PPFIBP1: variants seen among roughly 807,000 people sequenced by gnomAD.
The protein encoded by PPFIBP1 is PPFIB scaffold protein 1.
Under a neutral mutation model 137.8 loss-of-function variants are expected in PPFIBP1, and 112 were observed. That is an observed-to-expected ratio of 0.81 (90% CI 0.70 to 0.95). The LOEUF is 0.95. PPFIBP1 is among the 40% of genes least tolerant of loss of function. The pLI, the probability that PPFIBP1 is intolerant of heterozygous loss-of-function variation, is 0.00. For missense variants in PPFIBP1, 1,083 were observed against 1,196.6 expected, an observed-to-expected ratio of 0.91 and a Z score of 1.40; for synonymous variants, 378 against 417.3, an observed-to-expected ratio of 0.91 and a Z score of 1.15.
At chr12:27,582,212 G>A (rs527418123) in intron 2 of PPFIBP1, among the ~76,000 whole-genome samples, 7 of 152,106 alleles carry the variant, frequency 4.6e-5, no homozygotes, top group African/African-American at 1.2e-4. Flanking sequence ...AATAAGTGGC[G>A]TGTGTATGTG....
At chr12:27,641,397 A>C (rs2058095455) in intron 4 of PPFIBP1, among the ~76,000 whole-genome samples, 1 of 152,210 alleles carries the variant, frequency 6.6e-6, no homozygotes, top group Non-Finnish European at 1.5e-5. Flanking sequence ...AATAGAACCC[A>C]GAAAATCAAA....
intron 21 of PPFIBP1, 142 bp from the exon 22 acceptor site, chr12:27,681,404 A>G: frequency 1.2e-6 from 1 of 847,858 alleles, no homozygotes; most frequent in Non-Finnish European, 1.8e-6. Context: ...TCCAATGTAT[A>G]CTAAAAATTA....
intron 2 of PPFIBP1, among the ~76,000 whole-genome samples, chr12:27,581,279 C>A (rs1274901837): frequency 6.6e-6 from 1 of 152,190 alleles, no homozygotes; most frequent in African/African-American, 2.4e-5. Flanking sequence ...CCTAGTCTCT[C>A]CTCTGTGCCA....
chr12:27,676,538 CT>C lies in PPFIBP1; in HGVS notation c.1524del (p.Phe508LeufsTer20). Reference protein sequence around the residue: ...PFGTRKVRSSFGRGFFKIKSN... With the variant: ...PFGTRKVRSSXGRGFFKIKSN... ...TCGGCACTCGAAAAGTCAGATCTTC[CT>C]TTGGCCGGGGCTTTTTTAAAATCAA... On this transcript the variant is annotated frameshift_variant, in exon 18 of 30. Transcript: ENST00000228425. LOFTEE classifies it high-confidence loss of function. 2 of 1,609,250 alleles carry C rather than the reference CT, an allele frequency of 1.2e-6. No individual in the cohort carries two copies. Among genetic ancestry groups the C allele is most frequent in the Non-Finnish European group, 1.7e-6 (2 of 1,177,104 alleles).
chr12:27,576,732 A>G (rs936091485), intron 1 of PPFIBP1, among the ~76,000 whole-genome samples: 4 of 152,146 alleles, frequency 2.6e-5, no homozygotes, highest in Admixed American at 2.6e-4. Context: ...TAATCTAATT[A>G]TTCTTTGGTA....
intron 2 of PPFIBP1, among the ~76,000 whole-genome samples, chr12:27,614,105 TG>T (rs2055475470): frequency 6.6e-6 from 1 of 151,966 alleles, no homozygotes; most frequent in Admixed American, 6.6e-5. Flanking sequence ...TGGCCAAGCA[TG>T]GTGGCTCATG....
At chr12:27,581,328 T>C (rs2051093305) in intron 2 of PPFIBP1, among the ~76,000 whole-genome samples, 1 of 152,218 alleles carries the variant, frequency 6.6e-6, no homozygotes, top group South Asian at 2.1e-4. Context: ...GTGAATGCTG[T>C]CTGGTTGTAC....
Position 27,647,844 on chromosome 12 carries a change from T to C in PPFIBP1, c.471+2T>C. ...GCCACAGAAGAAATGCTGCAGCAGGTATGTGCAGAGGCCAGAACCAAGATG... is the reference window on the plus strand; with the variant it reads ...GCCACAGAAGAAATGCTGCAGCAGGCATGTGCAGAGGCCAGAACCAAGATG... On this transcript the variant is annotated splice_donor_variant, in intron 6 of 29. Coordinates refer to ENST00000228425, the MANE Select transcript of PPFIBP1 (RefSeq NM_003622.4). LOFTEE classifies it high-confidence loss of function. 1 of 1,611,248 alleles carries C rather than the reference T, an allele frequency of 6.2e-7. No individual in the cohort carries two copies. Among genetic ancestry groups the C allele is most frequent in the Non-Finnish European group, 8.5e-7 (1 of 1,178,862 alleles).
intron 11 of PPFIBP1, 66 bp downstream of exon 11, chr12:27,661,011 AT>A: frequency 6.3e-7 from 1 of 1,588,058 alleles, no homozygotes; most frequent in Non-Finnish European, 8.6e-7. Flanking sequence ...ATTCCATGCA[AT>A]TTCATGAGCT....
At chr12:27,570,440 A>G (rs560463405) in intron 1 of PPFIBP1, among the ~76,000 whole-genome samples, 1 of 152,264 alleles carries the variant, frequency 6.6e-6, no homozygotes, top group South Asian at 2.1e-4. Flanking sequence ...TTCAAATTCT[A>G]CCCTCTAAGT....
intron 4 of PPFIBP1, among the ~76,000 whole-genome samples, chr12:27,642,547 A>C (rs1394765446): frequency 6.6e-6 from 1 of 152,222 alleles, no homozygotes; most frequent in Non-Finnish European, 1.5e-5. Context: ...TAAAATTATT[A>C]GTCATCTACC....
chr12:27,626,256 G>A (rs544312254), intron 2 of PPFIBP1, among the ~76,000 whole-genome samples: 3 of 152,154 alleles, frequency 2.0e-5, no homozygotes, highest in Non-Finnish European at 4.4e-5. Flanking sequence ...TACCTATAGT[G>A]GTTGAGGTTT....
intron 19 of PPFIBP1, chr12:27,677,614 T>C (rs1473569122): frequency 6.5e-6 from 1 of 153,494 alleles, no homozygotes; most frequent in Non-Finnish European, 1.5e-5. Context: ...GAGATAATAT[T>C]TAGTGATGAC....
At chr12:27,658,138 GAAAA>G (rs56797899) in intron 9 of PPFIBP1, among the ~76,000 whole-genome samples, 16 of 122,980 alleles carry the variant, frequency 1.3e-4, no homozygotes, top group Non-Finnish European at 1.7e-4. Context: ...TCCTGTCTCT[GAAAA>G]AAAAAAAAAA....
intron 1 of PPFIBP1, among the ~76,000 whole-genome samples, chr12:27,569,185 C>T (rs527754626): frequency 1.6e-4 from 24 of 152,286 alleles, no homozygotes; most frequent in African/African-American, 5.1e-4. Flanking sequence ...ATTTTTCTCC[C>T]GCTTTAAAGC....
intron 17 of PPFIBP1, among the ~76,000 whole-genome samples, chr12:27,676,212 C>A (rs991234015): frequency 6.6e-6 from 1 of 152,032 alleles, no homozygotes; most frequent in African/African-American, 2.4e-5. Context: ...AACATGTTTT[C>A]CTTGTTGCTT....
chr12:27,634,214 C>G (rs1344622258), intron 3 of PPFIBP1, among the ~76,000 whole-genome samples: 2 of 141,690 alleles, frequency 1.4e-5, no homozygotes, highest in African/African-American at 5.3e-5. Flanking sequence ...TGGCTATTTA[C>G]AGGCATGATT....
chr12:27,538,338 T>A (rs1945277329), intron 1 of PPFIBP1: 1 of 152,170 alleles, frequency 6.6e-6, no homozygotes, highest in Non-Finnish European at 1.5e-5. Context: ...CAAGTACCAA[T>A]TCGGTGGTGA....
At chr12:27,600,515 A>T (rs1327662567) in intron 2 of PPFIBP1, among the ~76,000 whole-genome samples, 1 of 151,840 alleles carries the variant, frequency 6.6e-6, no homozygotes, top group Non-Finnish European at 1.5e-5. Flanking sequence ...CTTAAATCTC[A>T]GTTTGGTCAA....
Sources: allele counts gnomAD v4.1 joint callset (sites outside exome capture counted in the v4.1 genomes callset), GRCh38; gene constraint gnomAD v4.1.1; transcripts MANE v1.5; gene names NCBI Gene and HGNC (gene_info 2026-07-23, HGNC 2026-07-21).